The following B3GALT1 variants were observed in gnomAD, a reference collection of about 807,000 sequenced individuals.
B3GALT1 encodes the protein UDP-Gal:betaGlcNAc beta 1,3-galactosyltransferase, polypeptide 1.
In B3GALT1, 10 loss-of-function variants were observed where a neutral mutation model predicts 23.2. The observed-to-expected ratio is 0.43, with a 90% CI of 0.27 to 0.73. The LOEUF is 0.73. Ranked by LOEUF, B3GALT1 falls within the 30% of genes least tolerant of loss-of-function variation. The pLI is 0.21. For missense variants in B3GALT1, 299 were observed against 405.4 expected, an observed-to-expected ratio of 0.74 and a Z score of 2.25; for synonymous variants, 156 against 141.5, an observed-to-expected ratio of 1.10 and a Z score of -0.73.
chr2:167,302,284 G>A (rs1345208269), intron 1 of B3GALT1, among the ~76,000 whole-genome samples: 1 of 151,998 alleles, frequency 6.6e-6, no homozygotes, highest in Non-Finnish European at 1.5e-5. Context: ...TCATTTTTAA[G>A]TATATGAAAA....
At chr2:167,460,450 T>C (rs1404687868) in intron 1 of B3GALT1, among the ~76,000 whole-genome samples, 1 of 152,160 alleles carries the variant, frequency 6.6e-6, no homozygotes, top group African/African-American at 2.4e-5. Flanking sequence ...ATTTCTTGTT[T>C]CCTTTTAAAA....
rs547818397 is a variant in B3GALT1, at chr2:167,295,282, G to A, written c.-511+1948G>A. On this transcript the variant is annotated intron_variant, in intron 1 of 4. Coordinates refer to ENST00000392690, the MANE Select transcript of B3GALT1 (RefSeq NM_020981.4). ...AGCATTCATCATGTCTGGCTTAAAAGTGTGGTTTTCTGATATGATTAAAGA... is the reference window on the plus strand; with the variant it reads ...AGCATTCATCATGTCTGGCTTAAAAATGTGGTTTTCTGATATGATTAAAGA... Among the ~76,000 whole-genome samples, 116 of 152,278 alleles carry A rather than the reference G, an allele frequency of 7.6e-4. 2 individuals are homozygous for A. The highest frequency in any genetic ancestry group is 2.6e-3 in the African/African-American group (109 of 41,546).
intron 3 of B3GALT1, among the ~76,000 whole-genome samples, chr2:167,757,449 T>A (rs1687835731): frequency 6.6e-6 from 1 of 152,106 alleles, no homozygotes; most frequent in African/African-American, 2.4e-5. Flanking sequence ...TCTAGATGGG[T>A]ACACACTAGA....
At chr2:167,619,775 A>G in intron 2 of B3GALT1, among the ~76,000 whole-genome samples, 1 of 152,204 alleles carries the variant, frequency 6.6e-6, no homozygotes, top group South Asian at 2.1e-4. Context: ...TGTAGTGAAA[A>G]CTAATTAATT....
At position 167,585,262 on chromosome 2, in the gene B3GALT1, C is replaced by T. The variant is rs574242238; in HGVS notation, c.-409-61647C>T. Among the ~76,000 whole-genome samples the T allele has an allele frequency of 7.2e-5, 11 of 152,148 alleles. No homozygotes were observed. The East Asian group carries it at 1.4e-3, about 19-fold the overall frequency. On this transcript the variant is annotated intron_variant, in intron 2 of 4. Coordinates refer to ENST00000392690, the MANE Select transcript of B3GALT1 (RefSeq NM_020981.4). ...GGTAGTGTCATGGTTCTAAGCAAAC[C>T]GAAATTGGGAGTTCAGTACCTATAT...
intron 3 of B3GALT1, among the ~76,000 whole-genome samples, chr2:167,781,943 A>G (rs1688252322): frequency 6.6e-6 from 1 of 152,116 alleles, no homozygotes; most frequent in Admixed American, 6.5e-5. Context: ...GGGTTTCACC[A>G]TGTTGGTCAG....
chr2:167,869,153 C>A lies in B3GALT1; in HGVS notation c.114C>A (p.Phe38Leu). The A allele has an allele frequency of 6.2e-7, 1 of 1,614,176 alleles. No homozygotes were observed. Among genetic ancestry groups the A allele is most frequent in the Middle Eastern group, 1.6e-4 (1 of 6,062 alleles). ...CTTCTTACACTGGCTCCAAACCATT[C>A]AGCCACCTAACAGTTGCCAGGAAAA... ...PTSSYTGSKP[F>L]SHLTVARKNF... Residue 38 changes from phenylalanine (F) to leucine (L), a missense_variant, in exon 5 of 5, where the codon TTC becomes TTA. Transcript: ENST00000392690. The surrounding 1 kb of genome is among the most constrained non-coding windows in gnomAD (Gnocchi z 6.4).
intron 3 of B3GALT1, among the ~76,000 whole-genome samples, chr2:167,817,894 A>G (rs1015458092): frequency 7.2e-5 from 11 of 152,366 alleles, no homozygotes; most frequent in African/African-American, 2.4e-4. Flanking sequence ...TTAAACAAAC[A>G]GGTCTGGATC....
chr2:167,382,866 C>A (rs1697864642), intron 1 of B3GALT1, among the ~76,000 whole-genome samples: 1 of 152,090 alleles, frequency 6.6e-6, no homozygotes, highest in South Asian at 2.1e-4. Flanking sequence ...TATCTCCTAC[C>A]TTATTTATAA....
chr2:167,485,960 G>A (rs1699621097), intron 1 of B3GALT1, among the ~76,000 whole-genome samples: 1 of 152,204 alleles, frequency 6.6e-6, no homozygotes, highest in Admixed American at 6.5e-5. Context: ...CGTTACTGGA[G>A]AAGAAAGCCA....
intron 1 of B3GALT1, 135 bp from the exon 2 acceptor site, chr2:167,490,042 G>A (rs1699684237): frequency 6.6e-6 from 1 of 152,290 alleles, no homozygotes; most frequent in African/African-American, 2.4e-5. Flanking sequence ...TGATTGTTTT[G>A]TGCAGAATAA....
chr2:167,388,359 G>T (rs73021735), intron 1 of B3GALT1, among the ~76,000 whole-genome samples: 3 of 152,114 alleles, frequency 2.0e-5, no homozygotes, highest in Non-Finnish European at 4.4e-5. Flanking sequence ...AAAATGTTTT[G>T]TTAAGACAAA....
chr2:167,698,393 T>G (rs1170021775), intron 3 of B3GALT1, among the ~76,000 whole-genome samples: 2 of 152,174 alleles, frequency 1.3e-5, no homozygotes, highest in Non-Finnish European at 2.9e-5. Context: ...AATCTGTTAG[T>G]GTGTTAATGG....
intron 1 of B3GALT1, among the ~76,000 whole-genome samples, chr2:167,385,756 TTGG>T (rs572843234): frequency 4.5e-4 from 68 of 152,304 alleles, no homozygotes; most frequent in South Asian, 1.5e-3. Flanking sequence ...AATTGCTGAC[TTGG>T]TGGACACCAC....
At chr2:167,790,443 A>G (rs1688415612) in intron 3 of B3GALT1, among the ~76,000 whole-genome samples, 2 of 152,112 alleles carry the variant, frequency 1.3e-5, no homozygotes, top group African/African-American at 2.4e-5. Context: ...ACAGTTTCCT[A>G]TTCTTCTGTG....
chr2:167,650,488 C>A (rs576383865), intron 3 of B3GALT1, among the ~76,000 whole-genome samples: 54 of 151,756 alleles, frequency 3.6e-4, no homozygotes, highest in Middle Eastern at 3.4e-3. Context: ...CTGTAGTTTT[C>A]CTTTTTTGTG....
At chr2:167,520,845 A>G (rs1167167976) in intron 2 of B3GALT1, among the ~76,000 whole-genome samples, 1 of 152,228 alleles carries the variant, frequency 6.6e-6, no homozygotes, top group Non-Finnish European at 1.5e-5. Context: ...GGCACCCATC[A>G]AGTGGAAAGT....
intron 1 of B3GALT1, among the ~76,000 whole-genome samples, chr2:167,343,070 A>T (rs970318527): frequency 3.3e-5 from 5 of 152,158 alleles, no homozygotes; most frequent in African/African-American, 1.2e-4. Flanking sequence ...AAAATTTGAA[A>T]ATCCTGTAGT....
intron 3 of B3GALT1, among the ~76,000 whole-genome samples, chr2:167,719,331 A>T (rs1687196671): frequency 6.6e-6 from 1 of 152,238 alleles, no homozygotes; most frequent in Non-Finnish European, 1.5e-5. Flanking sequence ...TTTGCAAATA[A>T]TATAATGCTT....
Sources: gnomAD v4.1 joint callset for allele counts (sites outside exome capture counted in the v4.1 genomes callset) on GRCh38, gnomAD v4.1.1 for gene constraint, Gnocchi (gnomAD v3.1) non-coding constraint, MANE v1.5 for transcripts, NCBI Gene and HGNC (gene_info 2026-07-23, HGNC 2026-07-21) for gene names.